ADGRV1: variants seen among roughly 807,000 people sequenced by gnomAD.
ADGRV1 encodes the protein adhesion G protein-coupled receptor V1.
A neutral mutation model predicts 596.2 loss-of-function variants in ADGRV1; 359 were observed. That is an observed-to-expected ratio of 0.60 (90% CI 0.55 to 0.66). The LOEUF (loss-of-function observed/expected upper bound fraction) is 0.66, where lower values mean the gene tolerates loss of function less well. ADGRV1 is among the 30% of genes least tolerant of loss of function. The pLI is 0.00. For missense variants in ADGRV1, 7,274 were observed against 7,575.6 expected (o/e 0.96, Z 1.48); for synonymous variants, 2,681 against 2,679.2 (o/e 1.00, Z -0.02).
intron 1 of ADGRV1, among the ~76,000 whole-genome samples, chr5:90,597,606 A>C (rs1760859187): frequency 6.6e-6 from 1 of 152,146 alleles, no homozygotes; most frequent in Non-Finnish European, 1.5e-5. Context: ...GTTAAATCTG[A>C]TATTGAAGGG....
At chr5:90,683,531 A>G (rs910294718) in intron 27 of ADGRV1, 55 bp from the exon 28 acceptor site, 11 of 1,362,016 alleles carry the variant, frequency 8.1e-6, no homozygotes, top group Non-Finnish European at 1.1e-5. Flanking sequence ...ATAAGCCTCT[A>G]AGTAACTGGC....
In ADGRV1 at chr5:91,003,792, A is replaced by G. The variant is rs545848691; in HGVS notation, c.18152+18270A>G. 3.3e-5 allele frequency among the ~76,000 whole-genome samples: 5 copies of G among 152,332 alleles called. No homozygotes were observed. The East Asian group carries it at 9.6e-4, about 29-fold the overall frequency. The stretch of plus-strand genomic sequence containing the variant: ...GGAATAATTTTAAAGAAAAATATTT[A>G]CAGTCATCAAAATCAGTATGGGTAC... On this transcript the variant is annotated intron_variant, in intron 85 of 89. Transcript: ENST00000405460.
intron 34 of ADGRV1, 72 bp downstream of exon 34, chr5:90,697,218 A>G (rs920512999): frequency 5.5e-5 from 74 of 1,340,512 alleles, no homozygotes; most frequent in Non-Finnish European, 7.4e-5. Flanking sequence ...AGTTCTTTAA[A>G]ACTTGATAGT....
At chr5:90,999,415 C>T (rs1256392022) in intron 85 of ADGRV1, among the ~76,000 whole-genome samples, 1 of 151,884 alleles carries the variant, frequency 6.6e-6, no homozygotes, top group Non-Finnish European at 1.5e-5. Context: ...CCATAAGAGT[C>T]TCAGTCTATA....
chr5:90,614,920 T>C lies in ADGRV1; in HGVS notation c.108T>C (p.Thr36=), dbSNP rs1174454246. ...TTGGAGAAACAGAAATAAGATTTAC[T>C]GGACAAACTGAATTTGTTGTTAATG... The part of the protein sequence containing the change: ...FVFGETEIRF[T]GQTEFVVNET... The change falls in exon 2 of 90, where the codon ACT becomes ACC. Residue 36 remains threonine, a synonymous_variant. Coordinates refer to ENST00000405460, the MANE Select transcript of ADGRV1 (RefSeq NM_032119.4). 2 of 1,604,370 alleles carry C rather than the reference T, an allele frequency of 1.2e-6. No homozygotes were observed. The highest frequency in any genetic ancestry group is 8.5e-7 in the Non-Finnish European group (1 of 1,174,006).
At chr5:90,767,845 G>A (rs1757310248) in intron 59 of ADGRV1, among the ~76,000 whole-genome samples, 1 of 152,120 alleles carries the variant, frequency 6.6e-6, no homozygotes, top group Non-Finnish European at 1.5e-5. Flanking sequence ...TCATTCTTGA[G>A]GTGTGATTAC....
intron 87 of ADGRV1, among the ~76,000 whole-genome samples, chr5:91,128,766 C>T (rs1251437496): frequency 6.6e-6 from 1 of 152,206 alleles, no homozygotes; most frequent in Non-Finnish European, 1.5e-5. Context: ...AATGGTCTAT[C>T]CTGTGTTCCC....
intron 83 of ADGRV1, among the ~76,000 whole-genome samples, chr5:90,912,750 T>C (rs1773005723): frequency 6.6e-6 from 1 of 152,178 alleles, no homozygotes; most frequent in Admixed American, 6.5e-5. Context: ...GACATGACTT[T>C]GTTCTTTCTT....
In ADGRV1 at chr5:90,627,752, T is replaced by C. The variant is rs1488231193; in HGVS notation, c.1214T>C (p.Ile405Thr). 1 of 1,554,840 alleles carries C rather than the reference T, an allele frequency of 6.4e-7. No homozygotes were observed. The highest frequency in any genetic ancestry group is 8.7e-7 in the Non-Finnish European group (1 of 1,149,288). Residue 405 changes from isoleucine to threonine, a missense_variant, in exon 7 of 90, where the codon ATA becomes ACA. Around this residue, in one of 5 missense-constraint regions of ADGRV1, gnomAD observed 1,715 missense variants for 1,708.8 expected, o/e 1.00. Transcript: ENST00000405460. Reference protein sequence around the residue: ...FNSVLFERTVIIDEDRISRYE... With the variant: ...FNSVLFERTVTIDEDRISRYE... ...AGTGTTTTGTTTGAAAGGACAGTTA[T>C]AATTGATGAAGATAGAATATCAAGG...
At chr5:90,927,748 T>A (rs536910904) in intron 83 of ADGRV1, among the ~76,000 whole-genome samples, 5 of 152,308 alleles carry the variant, frequency 3.3e-5, no homozygotes, top group Non-Finnish European at 4.4e-5. Flanking sequence ...ACATTTTGGC[T>A]TGATTTTGCA....
chr5:90,683,483 A>C (rs994125784), intron 27 of ADGRV1, 103 bp from the exon 28 acceptor site: 9 of 943,072 alleles, frequency 9.5e-6, no homozygotes, highest in Non-Finnish European at 1.4e-5. Context: ...AGAAGAACTT[A>C]TATAAAATAA....
chr5:90,615,998 A>G (rs995161880), intron 2 of ADGRV1, among the ~76,000 whole-genome samples: 11 of 151,902 alleles, frequency 7.2e-5, no homozygotes, highest in Non-Finnish European at 1.5e-4. Flanking sequence ...CCTATTTCGA[A>G]TTGTTAAACG....
At chr5:90,981,601 C>A (rs1017794297) in intron 84 of ADGRV1, among the ~76,000 whole-genome samples, 1 of 152,024 alleles carries the variant, frequency 6.6e-6, no homozygotes, top group Non-Finnish European at 1.5e-5. Context: ...GTGAGTGCAC[C>A]CTGTGATGGG....
intron 73 of ADGRV1, 79 bp downstream of exon 73, chr5:90,807,816 C>A: frequency 7.9e-7 from 1 of 1,267,022 alleles, no homozygotes; most frequent in Non-Finnish European, 1.1e-6. Flanking sequence ...GAAAAAGGCA[C>A]AAGGGTTATT....
At chr5:91,105,410 C>T (rs949040232) in intron 87 of ADGRV1, among the ~76,000 whole-genome samples, 1 of 152,150 alleles carries the variant, frequency 6.6e-6, no homozygotes, top group African/African-American at 2.4e-5. Context: ...TTACGAACCT[C>T]CATACTGTTC....
chr5:90,766,197 C>G (rs1248922347), intron 59 of ADGRV1, among the ~76,000 whole-genome samples: 1 of 152,144 alleles, frequency 6.6e-6, no homozygotes, highest in African/African-American at 2.4e-5. Context: ...GCGTGAGCCA[C>G]TGTGTCTGAT....
chr5:90,753,950 T>A lies in ADGRV1; in HGVS notation c.11377+121T>A, dbSNP rs537809943. On this transcript the variant is annotated intron_variant, in intron 54 of 89. Transcript: ENST00000405460. Reference sequence around the variant, plus strand: ...ATGACTTTTTCAGTTTGGCAGGTCATACTCAATCCTTTTTGTTTATTGTTG... The same window carrying A: ...ATGACTTTTTCAGTTTGGCAGGTCAAACTCAATCCTTTTTGTTTATTGTTG... The A allele has an allele frequency of 6.3e-5, 59 of 933,504 alleles. 1 individual carries two copies. In the South Asian group the frequency reaches 1.2e-3, roughly 19 times the overall value. The allele number at this position is 933,504 out of a possible 1,614,324, so 57.8% of individuals were successfully genotyped here.
chr5:90,701,901 G>T (rs533623456), intron 34 of ADGRV1, among the ~76,000 whole-genome samples: 1 of 151,528 alleles, frequency 6.6e-6, no homozygotes, highest in Non-Finnish European at 1.5e-5. Context: ...TTTTTGACCT[G>T]CATTTTGTTT....
chr5:90,758,869 G>T (rs1240170751), intron 57 of ADGRV1, among the ~76,000 whole-genome samples: 1 of 152,058 alleles, frequency 6.6e-6, no homozygotes, highest in Non-Finnish European at 1.5e-5. Flanking sequence ...GCAAATTTGG[G>T]TTTTCTTTCT....
Sources: allele counts gnomAD v4.1 joint callset (sites outside exome capture counted in the v4.1 genomes callset), GRCh38; gene constraint gnomAD v4.1.1; regional missense constraint gnomAD v4.1.1; transcripts MANE v1.5; gene names NCBI Gene and HGNC (gene_info 2026-07-23, HGNC 2026-07-21).